OPCML: variants seen among roughly 807,000 people sequenced by gnomAD.
OPCML encodes the protein opioid-binding protein/cell adhesion molecule.
OPCML carries 13 observed loss-of-function variants against 37.8 expected under a neutral mutation model. The ratio of observed to expected loss-of-function variants is 0.34; its 90% CI spans 0.22 to 0.55. The LOEUF is 0.55. Among genes scored for constraint, OPCML ranks in the 20% least tolerant of loss-of-function variants. OPCML has a pLI of 0.91. For synonymous variants in OPCML, 176 were observed against 168.8 expected (o/e 1.04, Z -0.33); for missense variants, 341 against 435.6 (o/e 0.78, Z 1.93).
chr11:132,466,479 G>C (rs11223083), intron 4 of OPCML, among the ~76,000 whole-genome samples: 1 of 147,434 alleles, frequency 6.8e-6, no homozygotes, highest in Non-Finnish European at 1.5e-5. Context: ...GCGAGACTCC[G>C]TCTCGGAAAA....
intron 4 of OPCML, among the ~76,000 whole-genome samples, chr11:132,495,254 C>T (rs1444821310): frequency 6.6e-6 from 1 of 152,100 alleles, no homozygotes; most frequent in Admixed American, 6.5e-5. Flanking sequence ...ATAAGAGTGA[C>T]AAGGGCAATG....
intron 1 of OPCML, among the ~76,000 whole-genome samples, chr11:133,181,766 C>T (rs1937844267): frequency 1.3e-5 from 2 of 152,292 alleles, no homozygotes; most frequent in South Asian, 2.1e-4. Flanking sequence ...ATAAATTGGA[C>T]ATGTTTCACA....
intron 1 of OPCML, among the ~76,000 whole-genome samples, chr11:133,435,188 A>G (rs2136924858): frequency 6.6e-6 from 1 of 152,246 alleles, no homozygotes; most frequent in South Asian, 2.1e-4. Context: ...TATGTAGCAA[A>G]TTATATGCTA....
chr11:133,345,173 GC>G (rs1234136966), intron 1 of OPCML, among the ~76,000 whole-genome samples: 6 of 152,244 alleles, frequency 3.9e-5, no homozygotes, highest in Non-Finnish European at 7.4e-5. Flanking sequence ...TCGCATCAAA[GC>G]CAGGTCTGTT....
chr11:133,501,674 G>A (rs1459484886), intron 1 of OPCML, among the ~76,000 whole-genome samples: 1 of 152,012 alleles, frequency 6.6e-6, no homozygotes, highest in Non-Finnish European at 1.5e-5. Context: ...ACTGTGAGGG[G>A]AGCTGGCTTC....
intron 1 of OPCML, among the ~76,000 whole-genome samples, chr11:133,062,129 A>T (rs1948353923): frequency 6.6e-6 from 1 of 152,208 alleles, no homozygotes; most frequent in Admixed American, 6.5e-5. Context: ...ATTATGCTCA[A>T]AGCTGCAAGT....
intron 4 of OPCML, among the ~76,000 whole-genome samples, chr11:132,486,491 C>T (rs897338540): frequency 6.6e-6 from 1 of 151,810 alleles, no homozygotes; most frequent in African/African-American, 2.4e-5. Context: ...TGATTCCCTG[C>T]TCAAATAAGT....
chr11:132,912,039 G>A (rs1342902622), intron 2 of OPCML, among the ~76,000 whole-genome samples: 1 of 152,044 alleles, frequency 6.6e-6, no homozygotes, highest in Admixed American at 6.6e-5. Context: ...GAGATTCTGG[G>A]TATTAAGCTC....
At chr11:132,742,809 AT>A (rs1227166687) in intron 2 of OPCML, among the ~76,000 whole-genome samples, 1 of 149,718 alleles carries the variant, frequency 6.7e-6, no homozygotes, top group Non-Finnish European at 1.5e-5. Flanking sequence ...AGTACTCTAT[AT>A]AATGTAATTA....
At chr11:132,473,259 A>G (rs1329873656) in intron 4 of OPCML, among the ~76,000 whole-genome samples, 1 of 152,222 alleles carries the variant, frequency 6.6e-6, no homozygotes, top group African/African-American at 2.4e-5. Flanking sequence ...GTGAAAATTC[A>G]TGAAAAGGAA....
At chr11:133,167,950 A>T (rs1950235018) in intron 1 of OPCML, among the ~76,000 whole-genome samples, 1 of 152,144 alleles carries the variant, frequency 6.6e-6, no homozygotes, top group Non-Finnish European at 1.5e-5. Flanking sequence ...CTCTCTAGCA[A>T]ATTGCAGAAG....
At chr11:133,152,576 C>CT (rs529666130) in intron 1 of OPCML, among the ~76,000 whole-genome samples, 1 of 151,928 alleles carries the variant, frequency 6.6e-6, no homozygotes, top group African/African-American at 2.4e-5. Context: ...CTGATCCCCC[C>CT]CCAACCTCCA....
chr11:132,589,737 G>T (rs531258984), intron 3 of OPCML, among the ~76,000 whole-genome samples: 1 of 152,204 alleles, frequency 6.6e-6, no homozygotes, highest in South Asian at 2.1e-4. Flanking sequence ...AGGAGAATGG[G>T]CAGAGTGACT....
intron 2 of OPCML, among the ~76,000 whole-genome samples, chr11:132,909,542 C>T (rs1591789612): frequency 6.6e-6 from 1 of 152,336 alleles, no homozygotes; most frequent in East Asian, 1.9e-4. Flanking sequence ...GCCATCTGCA[C>T]TTTGCTAAAC....
chr11:133,057,408 A>G (rs777191837), intron 1 of OPCML, among the ~76,000 whole-genome samples: 1 of 152,158 alleles, frequency 6.6e-6, no homozygotes, highest in African/African-American at 2.4e-5. Context: ...CTGATTGCCC[A>G]GTTCCAGTCT....
intron 1 of OPCML, among the ~76,000 whole-genome samples, chr11:132,981,261 C>T (rs1308294413): frequency 4.6e-5 from 7 of 152,148 alleles, no homozygotes; most frequent in Non-Finnish European, 8.8e-5. Flanking sequence ...ATAGCAGCAA[C>T]AAGACAGATA....
At chr11:132,541,570 C>T (rs1368798191) in intron 3 of OPCML, among the ~76,000 whole-genome samples, 3 of 148,764 alleles carry the variant, frequency 2.0e-5, no homozygotes, top group Non-Finnish European at 4.4e-5. Context: ...TAATAAGTGT[C>T]AAGTGACACT....
intron 1 of OPCML, among the ~76,000 whole-genome samples, chr11:132,955,807 G>C (rs576648371): frequency 6.6e-6 from 1 of 151,926 alleles, no homozygotes; most frequent in African/African-American, 2.4e-5. Context: ...GCTTGAACCC[G>C]GGGAGGCAGA....
At chr11:132,744,654 T>C (rs1945552821) in intron 2 of OPCML, among the ~76,000 whole-genome samples, 1 of 152,230 alleles carries the variant, frequency 6.6e-6, no homozygotes, top group Non-Finnish European at 1.5e-5. Flanking sequence ...TTAGCCTGCA[T>C]TAGGCACTGC....
Sources: allele counts gnomAD v4.1 joint callset (sites outside exome capture counted in the v4.1 genomes callset), GRCh38; gene constraint gnomAD v4.1.1; transcripts MANE v1.5; gene names NCBI Gene and HGNC (gene_info 2026-07-23, HGNC 2026-07-21).